Variants in MSI2 observed in about 807,000 individuals in gnomAD.
MSI2 encodes the protein RNA-binding protein Musashi homolog 2.
In MSI2, 17 loss-of-function variants were observed where a neutral mutation model predicts 45.6. The ratio of observed to expected loss-of-function variants is 0.37; its 90% CI spans 0.26 to 0.56. The LOEUF is 0.56. Among genes scored for constraint, MSI2 ranks in the 20% least tolerant of loss-of-function variants. The pLI, the probability that MSI2 is intolerant of heterozygous loss-of-function variation, is 0.77. For synonymous variants in MSI2, 156 were observed against 158.2 expected, an observed-to-expected ratio of 0.99 and a Z score of 0.11; for missense variants, 293 against 444.2, an observed-to-expected ratio of 0.66 and a Z score of 3.06.
At chr17:57,597,816 C>G (rs1380846021) in intron 8 of MSI2, among the ~76,000 whole-genome samples, 2 of 152,190 alleles carry the variant, frequency 1.3e-5, no homozygotes, top group Non-Finnish European at 2.9e-5. Context: ...CTATTTTTCT[C>G]TTTGGGTCCT....
At chr17:57,660,252 G>A (rs1014482077) in intron 11 of MSI2, among the ~76,000 whole-genome samples, 4 of 152,230 alleles carry the variant, frequency 2.6e-5, no homozygotes, top group Admixed American at 2.0e-4. Context: ...GTCCAGAAGA[G>A]GGGAGTCAGA....
chr17:57,566,246 G>A (rs1335187684), intron 7 of MSI2, among the ~76,000 whole-genome samples: 1 of 152,150 alleles, frequency 6.6e-6, no homozygotes, highest in Non-Finnish European at 1.5e-5. Context: ...ATACAGCAGA[G>A]TAATACATAC....
chr17:57,309,455 C>A (rs1912184808), intron 5 of MSI2, among the ~76,000 whole-genome samples: 2 of 152,116 alleles, frequency 1.3e-5, no homozygotes, highest in Admixed American at 1.3e-4. Context: ...CTTTAATCGT[C>A]TGTTGGCCAC....
At chr17:57,472,510 A>AAG (rs2085457245) in intron 6 of MSI2, among the ~76,000 whole-genome samples, 1 of 151,880 alleles carries the variant, frequency 6.6e-6, no homozygotes, top group Non-Finnish European at 1.5e-5. Context: ...ATGGGAAGGG[A>AAG]GGGGGCCAGT....
chr17:57,421,324 C>T (rs948850037), intron 6 of MSI2, among the ~76,000 whole-genome samples: 1 of 152,154 alleles, frequency 6.6e-6, no homozygotes, highest in African/African-American at 2.4e-5. Flanking sequence ...GACGGAGTAT[C>T]TCCAGCTGTA....
chr17:57,550,725 G>T lies in MSI2; in HGVS notation c.454+21001G>T, dbSNP rs557789641. Among the ~76,000 whole-genome samples, 47 of 152,296 alleles carry T rather than the reference G, an allele frequency of 3.1e-4. No individual in the cohort carries two copies. In the East Asian group the frequency reaches 6.4e-3, roughly 21 times the overall value. On this transcript the variant is annotated intron_variant, in intron 7 of 13. Transcript: ENST00000284073. ...AAATGTTGGAGATTTTCAGCCTGGG[G>T]AAGAGTCGAGGTTCAGGACATTTTT...
At chr17:57,362,566 T>C (rs973130180) in intron 5 of MSI2, among the ~76,000 whole-genome samples, 1 of 152,220 alleles carries the variant, frequency 6.6e-6, no homozygotes, top group Admixed American at 6.5e-5. Flanking sequence ...TCTAACAATT[T>C]TATTTTACAG....
intron 7 of MSI2, among the ~76,000 whole-genome samples, chr17:57,534,312 T>C (rs2086878878): frequency 6.6e-6 from 1 of 152,382 alleles, no homozygotes; most frequent in South Asian, 2.1e-4. Context: ...GCCTTCTTGC[T>C]GGATGACCGT....
intron 5 of MSI2, among the ~76,000 whole-genome samples, chr17:57,329,924 T>C (rs948078693): frequency 6.6e-6 from 1 of 151,708 alleles, no homozygotes; most frequent in Non-Finnish European, 1.5e-5. Flanking sequence ...TATTAAAGTT[T>C]TTTGTTTTTG....
At chr17:57,638,369 G>A (rs549262395) in intron 10 of MSI2, among the ~76,000 whole-genome samples, 5 of 152,308 alleles carry the variant, frequency 3.3e-5, no homozygotes, top group East Asian at 3.9e-4. Flanking sequence ...ATCAGCACCC[G>A]ACCCGAGACA....
chr17:57,448,027 CT>C (rs2084931907), intron 6 of MSI2, among the ~76,000 whole-genome samples: 1 of 152,152 alleles, frequency 6.6e-6, no homozygotes, highest in African/African-American at 2.4e-5. Context: ...TAGGTTTGAG[CT>C]GAAGGAGTGG....
chr17:57,541,331 G>T (rs1341676630), intron 7 of MSI2, among the ~76,000 whole-genome samples: 1 of 152,142 alleles, frequency 6.6e-6, no homozygotes, highest in Non-Finnish European at 1.5e-5. Context: ...GGCGTTTCTA[G>T]CTGGTTCATT....
At chr17:57,693,869 C>T in the MSI2 span, among the ~76,000 whole-genome samples, 12 of 152,300 alleles carry the variant, frequency 7.9e-5, no homozygotes, top group Non-Finnish European at 5.9e-5. Flanking sequence ...AACTATGGTC[C>T]TTGGGCCAAA....
intron 5 of MSI2, among the ~76,000 whole-genome samples, chr17:57,295,189 C>T (rs1364688558): frequency 1.3e-5 from 2 of 152,102 alleles, no homozygotes; most frequent in African/African-American, 2.4e-5. Context: ...TCTTTCTGTG[C>T]AGCGCTGCCC....
At chr17:57,364,726 G>A (rs1280355747) in intron 5 of MSI2, among the ~76,000 whole-genome samples, 1 of 152,030 alleles carries the variant, frequency 6.6e-6, no homozygotes, top group Non-Finnish European at 1.5e-5. Flanking sequence ...GGTCCTGAAT[G>A]TTTAGTGGGA....
At chr17:57,432,578 TC>T (rs2084617278) in intron 6 of MSI2, 1 of 152,692 alleles carries the variant, frequency 6.5e-6, no homozygotes, top group African/African-American at 2.4e-5. Flanking sequence ...CTCTCCCTCT[TC>T]CTCCAGGTTT....
chr17:57,426,300 A>G (rs2084491256), intron 6 of MSI2, among the ~76,000 whole-genome samples: 1 of 152,250 alleles, frequency 6.6e-6, no homozygotes. Flanking sequence ...CCTTCATCTA[A>G]TACATTTGGC....
chr17:57,641,788 A>G (rs1436345387), intron 10 of MSI2, among the ~76,000 whole-genome samples: 3 of 152,224 alleles, frequency 2.0e-5, no homozygotes, highest in African/African-American at 7.2e-5. Flanking sequence ...GGTCTCAGAA[A>G]GATAGGCAGA....
intron 5 of MSI2, among the ~76,000 whole-genome samples, chr17:57,382,767 A>G (rs537476226): frequency 1.3e-5 from 2 of 152,322 alleles, no homozygotes; most frequent in Non-Finnish European, 2.9e-5. Context: ...CTGCTCAGAA[A>G]TTGTGTTTAT....
Sources: gnomAD v4.1 joint callset for allele counts (sites outside exome capture counted in the v4.1 genomes callset) on GRCh38, gnomAD v4.1.1 for gene constraint, MANE v1.5 for transcripts, NCBI Gene and HGNC (gene_info 2026-07-23, HGNC 2026-07-21) for gene names.